NLGN4X: variants seen among roughly 807,000 people sequenced by gnomAD.
NLGN4X encodes neuroligin-4, X-linked.
A neutral mutation model predicts 40.3 loss-of-function variants in NLGN4X; 3 were observed. The ratio of observed to expected loss-of-function variants is 0.07; its 90% CI spans 0.03 to 0.19. The LOEUF is 0.19. NLGN4X is among the 10% of genes least tolerant of loss of function. NLGN4X has a pLI of 1.00. For missense variants in NLGN4X, 382 were observed against 708.3 expected (o/e 0.54, Z 5.23); for synonymous variants, 270 against 306.8 (o/e 0.88, Z 1.25).
At chrX:6,098,605 C>T (rs1207481457) in intron 2 of NLGN4X, among the ~76,000 whole-genome samples, 2 of 111,409 alleles carry the variant, frequency 1.8e-5, no homozygotes, top group Non-Finnish European at 3.8e-5. Context: ...AAACGGCCTG[C>T]GTACTTTTAT....
intron 2 of NLGN4X, among the ~76,000 whole-genome samples, chrX:6,142,625 T>C (rs1312621645): frequency 8.9e-6 from 1 of 112,449 alleles, no homozygotes; most frequent in Non-Finnish European, 1.9e-5. Context: ...CACCTATATT[T>C]TGTGACTGTA....
chrX:6,082,255 G>A (rs766561904), intron 2 of NLGN4X, among the ~76,000 whole-genome samples: 13 of 111,572 alleles, frequency 1.2e-4, no homozygotes, highest in Admixed American at 3.8e-4. Context: ...CAAGGATAAC[G>A]TCAGACACAG....
chrX:6,095,072 T>G (rs903361038), intron 2 of NLGN4X, among the ~76,000 whole-genome samples: 2 of 107,623 alleles, frequency 1.9e-5, no homozygotes, highest in Non-Finnish European at 3.8e-5. Flanking sequence ...ATTCTATTTT[T>G]AAATGGCTAA....
At chrX:5,948,868 T>C (rs368776873) in intron 3 of NLGN4X, among the ~76,000 whole-genome samples, 21 of 111,811 alleles carry the variant, frequency 1.9e-4, no homozygotes, top group African/African-American at 5.9e-4. Flanking sequence ...AGCTAAGGGA[T>C]AGGAAGAGAC....
intron 4 of NLGN4X, among the ~76,000 whole-genome samples, chrX:5,908,023 G>A (rs1274533428): frequency 1.2e-5 from 1 of 85,600 alleles, no homozygotes; most frequent in Non-Finnish European, 2.3e-5. Context: ...GAAAGACAGG[G>A]AGAGTGGGGG....
At position 5,950,889 on chromosome X, in the gene NLGN4X, T is replaced by C. The variant is rs995407523; in HGVS notation, c.626-41650A>G. 7.2e-5 allele frequency among the ~76,000 whole-genome samples: 8 copies of C among 111,837 alleles called. No homozygotes were observed. In the East Asian group the frequency reaches 2.0e-3, roughly 28 times the overall value. On this transcript the variant is annotated intron_variant, in intron 3 of 5. Coordinates refer to ENST00000381095, the MANE Select transcript of NLGN4X (RefSeq NM_181332.3). Reference sequence around the variant, plus strand: ...AAACCCTTCTGTCATTCTCAGGAAGTAGGACGGAGAAGAAACATCCCCACC... The same window carrying C: ...AAACCCTTCTGTCATTCTCAGGAAGCAGGACGGAGAAGAAACATCCCCACC...
chrX:6,218,018 C>G (rs886400292), intron 1 of NLGN4X, among the ~76,000 whole-genome samples: 6 of 111,989 alleles, frequency 5.4e-5, no homozygotes, highest in Admixed American at 9.5e-5. Context: ...CTAAGTCTAT[C>G]CGTTCCGCCT....
At chrX:6,023,260 C>G (rs2036600305) in intron 3 of NLGN4X, among the ~76,000 whole-genome samples, 1 of 111,721 alleles carries the variant, frequency 9.0e-6, no homozygotes, top group South Asian at 3.7e-4. Flanking sequence ...GCCACCATCA[C>G]CGTGAACCAA....
intron 2 of NLGN4X, among the ~76,000 whole-genome samples, chrX:6,088,509 C>T (rs2038555007): frequency 8.9e-6 from 1 of 111,841 alleles, no homozygotes; most frequent in Admixed American, 9.5e-5. Flanking sequence ...AGATTCAAGT[C>T]TTAATATGGT....
intron 3 of NLGN4X, among the ~76,000 whole-genome samples, chrX:5,949,018 A>G (rs1173798202): frequency 2.7e-5 from 3 of 111,353 alleles, no homozygotes; most frequent in Non-Finnish European, 3.8e-5. Context: ...ACTTTGCAAC[A>G]TGAGATGTGG....
chrX:5,968,964 G>A (rs1024649554), intron 3 of NLGN4X, among the ~76,000 whole-genome samples: 1 of 111,447 alleles, frequency 9.0e-6, no homozygotes, highest in African/African-American at 3.3e-5. Context: ...ATTAAAGTCT[G>A]GAAGAAGCTT....
intron 2 of NLGN4X, 142 bp from the exon 3 acceptor site, chrX:6,029,574 TGA>T (rs2036800766): frequency 7.0e-6 from 4 of 569,575 alleles, no homozygotes; most frequent in Non-Finnish European, 1.1e-5. Context: ...ATATGACCCT[TGA>T]TAAGAGTGTC....
rs34152567 is a variant in NLGN4X at position 5,997,566 on chromosome X, A to ATG, written c.625+31712_625+31713dup. 6.0e-3 allele frequency among the ~76,000 whole-genome samples: 322 copies of ATG among 53,981 alleles called. 3 individuals are homozygous for ATG. The highest frequency in any genetic ancestry group is 0.015 in the African/African-American group (214 of 13,928). The allele number at this position is 53,981 out of a possible 115,157, so 46.9% of individuals were successfully genotyped here. A position where few individuals can be genotyped will look rare whatever the true frequency, so the allele number is the denominator to read the frequency against. ...ATACACATTTAATATATAAAATTACATGTGTGTGTGTGTGTGTGTGTATAT... is the reference window on the plus strand; with the variant it reads ...ATACACATTTAATATATAAAATTACATGTGTGTGTGTGTGTGTGTGTGTATAT... On this transcript the variant is annotated intron_variant, in intron 3 of 5. Coordinates refer to ENST00000381095, the MANE Select transcript of NLGN4X (RefSeq NM_181332.3).
intron 3 of NLGN4X, among the ~76,000 whole-genome samples, chrX:5,953,337 C>CGAGTG (rs2034379165): frequency 9.0e-6 from 1 of 111,213 alleles, no homozygotes; most frequent in Admixed American, 9.6e-5. Flanking sequence ...CATCACAAAA[C>CGAGTG]TGCACTCCAG....
intron 3 of NLGN4X, among the ~76,000 whole-genome samples, chrX:5,925,895 T>TATACATACAC (rs2033281613): frequency 5.9e-5 from 1 of 16,974 alleles, no homozygotes; most frequent in Non-Finnish European, 9.0e-5. Context: ...TATATATATA[T>TATACATACAC]ATATATATAT....
At chrX:6,156,361 T>G (rs759499618) in intron 1 of NLGN4X, among the ~76,000 whole-genome samples, 1 of 110,645 alleles carries the variant, frequency 9.0e-6, no homozygotes, top group South Asian at 3.8e-4. Flanking sequence ...TACAAAAAAT[T>G]AGCTGGGCGT....
chrX:6,072,042 C>A (rs1047762402), intron 2 of NLGN4X, among the ~76,000 whole-genome samples: 1 of 110,378 alleles, frequency 9.1e-6, no homozygotes, highest in African/African-American at 3.3e-5. Context: ...TTTTTTTTCC[C>A]ATGAGCTAGG....
chrX:6,195,089 A>G (rs1418156502), intron 1 of NLGN4X, among the ~76,000 whole-genome samples: 3 of 112,065 alleles, frequency 2.7e-5, no homozygotes, highest in Non-Finnish European at 5.6e-5. Context: ...TGCACCTATC[A>G]ACCCGTCACC....
At chrX:5,895,816 GTCT>G (rs2031456082) in intron 5 of NLGN4X, among the ~76,000 whole-genome samples, 1 of 111,377 alleles carries the variant, frequency 9.0e-6, no homozygotes, top group African/African-American at 3.3e-5. Context: ...TATTTGAAAA[GTCT>G]TCTGCTTTTT....
Sources: gnomAD v4.1 joint callset for allele counts (sites outside exome capture counted in the v4.1 genomes callset) on GRCh38, gnomAD v4.1.1 for gene constraint, MANE v1.5 for transcripts, NCBI Gene and HGNC (gene_info 2026-07-23, HGNC 2026-07-21) for gene names.